The following SAMD12 variants were observed in gnomAD, a reference collection of about 807,000 sequenced individuals.
SAMD12 encodes the protein sterile alpha motif domain-containing protein 12.
In SAMD12, 9 loss-of-function variants were observed where a neutral mutation model predicts 15.0. The observed-to-expected ratio is 0.60, with a 90% confidence interval of 0.36 to 1.05. SAMD12 has a LOEUF of 1.05. SAMD12 is among the 50% of genes least tolerant of loss of function. The pLI is 0.01. For synonymous variants in SAMD12, 86 were observed against 90.1 expected (o/e 0.96, Z 0.25); for missense variants, 230 against 234.2 (o/e 0.98, Z 0.12).
intron 2 of SAMD12, among the ~76,000 whole-genome samples, chr8:118,533,608 A>G (rs1825751596): frequency 6.6e-6 from 1 of 152,178 alleles, no homozygotes; most frequent in East Asian, 1.9e-4. Flanking sequence ...GACTTGCTTT[A>G]TGAATCTGGG....
At chr8:118,424,349 C>T (rs1312148383) in intron 3 of SAMD12, among the ~76,000 whole-genome samples, 1 of 152,040 alleles carries the variant, frequency 6.6e-6, no homozygotes, top group Non-Finnish European at 1.5e-5. Flanking sequence ...ATAATAATAG[C>T]CAATACCAAC....
intron 4 of SAMD12, among the ~76,000 whole-genome samples, chr8:118,343,476 A>T (rs1235774539): frequency 6.6e-6 from 1 of 152,132 alleles, no homozygotes; most frequent in South Asian, 2.1e-4. Context: ...TTCGGTTAAC[A>T]TGGTGATGAA....
At chr8:118,572,555 T>C (rs916690562) in intron 2 of SAMD12, among the ~76,000 whole-genome samples, 20 of 151,466 alleles carry the variant, frequency 1.3e-4, no homozygotes, top group Non-Finnish European at 4.4e-5. Context: ...ATCTTTCCCA[T>C]GCTGTTCTCA....
intron 4 of SAMD12, among the ~76,000 whole-genome samples, chr8:118,270,500 A>G (rs774341528): frequency 6.6e-6 from 1 of 152,094 alleles, no homozygotes; most frequent in Non-Finnish European, 1.5e-5. Flanking sequence ...TGTTTGTTAT[A>G]TTTAGATTGT....
intron 2 of SAMD12, among the ~76,000 whole-genome samples, chr8:118,462,273 CAAAGT>C (rs1430975108): frequency 6.6e-6 from 1 of 152,160 alleles, no homozygotes; most frequent in African/African-American, 2.4e-5. Flanking sequence ...TTTTCCTGCA[CAAAGT>C]AAAGGATATG....
intron 2 of SAMD12, among the ~76,000 whole-genome samples, chr8:118,466,089 C>G (rs1823586887): frequency 6.6e-6 from 1 of 152,172 alleles, no homozygotes. Flanking sequence ...ACACTCATAA[C>G]TAACACGTAG....
At chr8:118,318,030 T>A (rs974036896) in intron 4 of SAMD12, among the ~76,000 whole-genome samples, 2 of 151,930 alleles carry the variant, frequency 1.3e-5, no homozygotes, top group African/African-American at 2.4e-5. Flanking sequence ...GTGGTCATTA[T>A]TAAAAAGTCA....
exon 5 of SAMD12, chr8:118,195,318 A>C (rs926411314): frequency 6.6e-6 from 1 of 152,248 alleles, no homozygotes; most frequent in African/African-American, 2.4e-5. Flanking sequence ...AGCACCTGGC[A>C]GTTCTTAGGC....
At chr8:118,298,351 T>C (rs2130308122) in intron 4 of SAMD12, among the ~76,000 whole-genome samples, 1 of 152,298 alleles carries the variant, frequency 6.6e-6, no homozygotes, top group East Asian at 1.9e-4. Context: ...GTAGAATAAG[T>C]GCATACATGC....
At chr8:118,385,612 G>A (rs1819913440) in intron 3 of SAMD12, among the ~76,000 whole-genome samples, 2 of 152,036 alleles carry the variant, frequency 1.3e-5, no homozygotes, top group Non-Finnish European at 2.9e-5. Flanking sequence ...ATACCCTCTT[G>A]GTTTTGTTTC....
At chr8:118,331,025 G>A (rs891499966) in intron 4 of SAMD12, among the ~76,000 whole-genome samples, 1 of 151,864 alleles carries the variant, frequency 6.6e-6, no homozygotes, top group African/African-American at 2.4e-5. Context: ...ACATTCCTAG[G>A]GTCAAATGTA....
intron 4 of SAMD12, among the ~76,000 whole-genome samples, chr8:118,305,861 T>C (rs1056636408): frequency 6.6e-6 from 1 of 152,132 alleles, no homozygotes; most frequent in Non-Finnish European, 1.5e-5. Context: ...TTTTAGCCAA[T>C]GTGAAGCATT....
At chr8:118,404,463 A>T (rs16890964) in intron 3 of SAMD12, among the ~76,000 whole-genome samples, 7,734 of 152,262 alleles carry the variant, frequency 0.051, 652 homozygotes, top group African/African-American at 0.18. Flanking sequence ...ATTTGATGTG[A>T]TAGGTGGTTG....
chr8:118,610,498 C>T (rs1215367385), intron 1 of SAMD12, among the ~76,000 whole-genome samples: 1 of 152,188 alleles, frequency 6.6e-6, no homozygotes, highest in East Asian at 1.9e-4. Flanking sequence ...AATTAGTTAT[C>T]TTCTCTGGAG....
At chr8:118,295,039 T>G (rs997002783) in intron 4 of SAMD12, among the ~76,000 whole-genome samples, 2 of 152,020 alleles carry the variant, frequency 1.3e-5, no homozygotes, top group Non-Finnish European at 2.9e-5. Flanking sequence ...GAAAACAAAC[T>G]TCTTTTTTTT....
At chr8:118,351,564 C>T (rs1237143181) in intron 4 of SAMD12, among the ~76,000 whole-genome samples, 1 of 152,044 alleles carries the variant, frequency 6.6e-6, no homozygotes, top group Non-Finnish European at 1.5e-5. Context: ...TGTATGTTAA[C>T]CCTAACCTGA....
chr8:118,202,237 ATCAAAG>A (rs1026434721), intron 4 of SAMD12, among the ~76,000 whole-genome samples: 7 of 152,350 alleles, frequency 4.6e-5, no homozygotes, highest in African/African-American at 1.7e-4. Flanking sequence ...CCTTGGAGAA[ATCAAAG>A]TCAAAGCTCT....
chr8:118,469,489 T>TA (rs796616724), intron 2 of SAMD12, among the ~76,000 whole-genome samples: 2,231 of 57,778 alleles, frequency 0.039, 67 homozygotes, highest in Non-Finnish European at 0.059. Context: ...ATGTAATATA[T>TA]TATATATATA....
intron 4 of SAMD12, among the ~76,000 whole-genome samples, chr8:118,308,987 A>G (rs1815485460): frequency 6.6e-6 from 1 of 152,070 alleles, no homozygotes; most frequent in South Asian, 2.1e-4. Flanking sequence ...TGATTCCTAA[A>G]TCTTTTATTA....
Sources: gnomAD v4.1 joint callset for allele counts (sites outside exome capture counted in the v4.1 genomes callset) on GRCh38, gnomAD v4.1.1 for gene constraint, MANE v1.5 for transcripts, NCBI Gene and HGNC (gene_info 2026-07-23, HGNC 2026-07-21) for gene names.